The following DNAI7 variants were observed in gnomAD, a reference collection of about 807,000 sequenced individuals.
The protein encoded by DNAI7 is dynein axonemal intermediate chain 7.
A neutral mutation model predicts 86.6 loss-of-function variants in DNAI7; 78 were observed. That is an observed-to-expected ratio of 0.90 (90% confidence interval 0.75 to 1.09). The LOEUF (loss-of-function observed/expected upper bound fraction) is 1.09. Among genes scored for constraint, DNAI7 ranks in the 50% least tolerant of loss-of-function variants. The pLI is 0.00. For synonymous variants in DNAI7, 274 were observed against 273.0 expected (o/e 1.00, Z -0.04); for missense variants, 753 against 810.2 (o/e 0.93, Z 0.86).
At chr12:25,116,255 C>T (rs998690020) in intron 12 of DNAI7, among the ~76,000 whole-genome samples, 1 of 152,064 alleles carries the variant, frequency 6.6e-6, no homozygotes, top group African/African-American at 2.4e-5. Context: ...AATAAAATTA[C>T]ATTCACAAAC....
chr12:25,111,949 A>G lies in DNAI7; in HGVS notation c.1612-10T>C, dbSNP rs774289549. ...ACATGCAGAGGTTTTCCTAGTTTAA[A>G]TAAGAAAAAAGAAGCTTTTATGTAA... On this transcript the variant is annotated splice_polypyrimidine_tract_variant and intron_variant, in intron 13 of 15. Coordinates refer to ENST00000395987, the MANE Select transcript of DNAI7 (RefSeq NM_018272.5). 1.3e-6 allele frequency: 2 copies of G among 1,550,270 alleles called. No homozygotes were observed. Among genetic ancestry groups the G allele is most frequent in the Admixed American group, 2.1e-5 (1 of 48,348 alleles).
At chr12:25,150,741 T>C (rs1259674240) in intron 6 of DNAI7, among the ~76,000 whole-genome samples, 1 of 152,138 alleles carries the variant, frequency 6.6e-6, no homozygotes, top group Non-Finnish European at 1.5e-5. Flanking sequence ...CCCTCGGATC[T>C]ACCAGTTAAC....
At chr12:25,179,648 A>T (rs374740405) in intron 2 of DNAI7, among the ~76,000 whole-genome samples, 2 of 152,278 alleles carry the variant, frequency 1.3e-5, no homozygotes, top group South Asian at 4.1e-4. Context: ...AATAAATGTG[A>T]TTTACCACAT....
At chr12:25,141,921 T>C (rs1592369687) in intron 9 of DNAI7, among the ~76,000 whole-genome samples, 1 of 152,232 alleles carries the variant, frequency 6.6e-6, no homozygotes, top group East Asian at 1.9e-4. Context: ...TTTACACTGA[T>C]GGTGGGAATG....
At chr12:25,171,753 C>T (rs1268898214) in intron 2 of DNAI7, among the ~76,000 whole-genome samples, 3 of 152,144 alleles carry the variant, frequency 2.0e-5, no homozygotes, top group Non-Finnish European at 4.4e-5. Context: ...TTCAACAACA[C>T]ATCAAAAAGA....
chr12:25,111,354 C>T (rs1007982243), intron 14 of DNAI7, among the ~76,000 whole-genome samples: 1 of 152,168 alleles, frequency 6.6e-6, no homozygotes, highest in Non-Finnish European at 1.5e-5. Context: ...GACATGGAGG[C>T]TTTGCCAAGA....
chr12:25,108,672 A>G lies in DNAI7; in HGVS notation c.2045T>C (p.Leu682Ser). The part of the protein sequence containing the change: ...LKEETEFHST[L>S]YHMVKDFASE... ...AGCAAAATCCTTCACCATGTGATAT[A>G]AAGTAGAATGAAACTCAGTTTCTTC... The change falls in exon 16 of 16, where the codon TTA becomes TCA. Residue 682 changes from leucine to serine, a missense_variant. Leu to Ser is a moderately radical substitution (Grantham distance 145, BLOSUM62 -2). Transcript: ENST00000395987. The G allele has an allele frequency of 1.2e-6, 2 of 1,613,826 alleles. No homozygotes were observed. Among genetic ancestry groups the G allele is most frequent in the South Asian group, 2.2e-5 (2 of 91,058 alleles).
At chr12:25,110,339 C>T in intron 14 of DNAI7, 99 bp from the exon 15 acceptor site, 1 of 686,502 alleles carries the variant, frequency 1.5e-6, no homozygotes, top group Non-Finnish European at 2.6e-6. Context: ...CAGACGGATC[C>T]ACTTAAAATT....
chr12:25,166,042 T>C (rs1947424245), intron 2 of DNAI7, among the ~76,000 whole-genome samples: 1 of 152,080 alleles, frequency 6.6e-6, no homozygotes, highest in African/African-American at 2.4e-5. Flanking sequence ...AACCCACAAG[T>C]ATAGGACACC....
chr12:25,108,608 A>C lies in DNAI7; in HGVS notation c.2109T>G (p.Cys703Trp), dbSNP rs200885137. ...TGTGGCACACAGAGTTGACAAACTG[A>C]CAGTTGGAACTCCTGACTTTCTCCA... ...EAMEKVRSSN[C>W]QFVNSVCHML... The change falls in exon 16 of 16, where the codon TGT becomes TGG. Residue 703 changes from cysteine to tryptophan, a missense_variant. Cys to Trp is a radical substitution (Grantham distance 215). Transcript: ENST00000395987. 6.2e-7 allele frequency: 1 copy of C among 1,613,844 alleles called. No homozygotes were observed. The highest frequency in any genetic ancestry group is 1.3e-5 in the African/African-American group (1 of 74,886).
intron 2 of DNAI7, among the ~76,000 whole-genome samples, chr12:25,173,900 C>T (rs1948433865): frequency 2.3e-5 from 1 of 43,674 alleles, no homozygotes; most frequent in Admixed American, 2.1e-4. Flanking sequence ...ATATATATAC[C>T]ACATCATATA....
At chr12:25,156,295 T>C (rs1438593179) in intron 4 of DNAI7, among the ~76,000 whole-genome samples, 1 of 152,230 alleles carries the variant, frequency 6.6e-6, no homozygotes. Flanking sequence ...ATTTGACTAA[T>C]TTGGTAGACA....
At chr12:25,194,955 A>G (rs1468036604) in intron 1 of DNAI7, 121 bp downstream of exon 1, 2 of 1,614,062 alleles carry the variant, frequency 1.2e-6, no homozygotes, top group African/African-American at 1.3e-5. Flanking sequence ...GGTATGAGTT[A>G]TTTCCCAAAC....
chr12:25,159,463 T>C (rs914282341), intron 3 of DNAI7, among the ~76,000 whole-genome samples: 4 of 151,508 alleles, frequency 2.6e-5, no homozygotes, highest in African/African-American at 9.7e-5. Flanking sequence ...AGTAACATGA[T>C]TCAAACTTTG....
chr12:25,165,251 T>A lies in DNAI7; in HGVS notation c.22-4054A>T, dbSNP rs180900181. On this transcript the variant is annotated intron_variant, in intron 2 of 15. Coordinates refer to ENST00000395987, the MANE Select transcript of DNAI7 (RefSeq NM_018272.5). The stretch of plus-strand genomic sequence containing the variant: ...GACTTAATTAACCTCGCCTTCAAGG[T>A]GTACAATAATAAAGTAGAGGCAGCC... Among the ~76,000 whole-genome samples the A allele has an allele frequency of 8.9e-4, 136 of 152,204 alleles. 1 individual carries two copies. In the East Asian group the frequency reaches 0.023, roughly 26 times the overall value.
intron 6 of DNAI7, among the ~76,000 whole-genome samples, chr12:25,150,130 T>C (rs1945320551): frequency 6.6e-6 from 1 of 152,190 alleles, no homozygotes; most frequent in South Asian, 2.1e-4. Flanking sequence ...ATCCCCAGTG[T>C]AATAACTGCT....
At chr12:25,192,531 A>G (rs936051655) in intron 1 of DNAI7, among the ~76,000 whole-genome samples, 4 of 152,184 alleles carry the variant, frequency 2.6e-5, no homozygotes. Flanking sequence ...GTATTGCTCA[A>G]AAAATTACAT....
intron 11 of DNAI7, among the ~76,000 whole-genome samples, chr12:25,120,234 A>G (rs1940976065): frequency 6.6e-6 from 1 of 150,558 alleles, no homozygotes; most frequent in Non-Finnish European, 1.5e-5. Flanking sequence ...AATGGATAGG[A>G]CTGTGGGTGA....
chr12:25,184,050 T>A (rs1018380078), intron 2 of DNAI7, among the ~76,000 whole-genome samples: 1 of 152,144 alleles, frequency 6.6e-6, no homozygotes, highest in African/African-American at 2.4e-5. Context: ...ATGTCTTAAC[T>A]CAATCTGTCC....
Sources: gnomAD v4.1 joint callset for allele counts (sites outside exome capture counted in the v4.1 genomes callset) on GRCh38, gnomAD v4.1.1 for gene constraint, MANE v1.5 for transcripts, NCBI Gene and HGNC (gene_info 2026-07-23, HGNC 2026-07-21) for gene names.